Variants in BRCC3 observed in about 807,000 individuals in gnomAD.
The protein encoded by BRCC3 is BRCA1/BRCA2-containing complex subunit 3.
A neutral mutation model predicts 28.0 loss-of-function variants in BRCC3; 15 were observed. The ratio of observed to expected loss-of-function variants is 0.54; its 90% CI spans 0.36 to 0.82. The LOEUF (loss-of-function observed/expected upper bound fraction) is 0.82. Among genes scored for constraint, BRCC3 ranks in the 40% least tolerant of loss-of-function variants. BRCC3 has a pLI of 0.01. For missense variants in BRCC3, 109 were observed against 225.9 expected, an observed-to-expected ratio of 0.48 and a Z score of 3.32; for synonymous variants, 66 against 80.3, an observed-to-expected ratio of 0.82 and a Z score of 0.95.
chrX:155,116,870 G>A, intron 9 of BRCC3, 116 bp downstream of exon 9: 1 of 505,796 alleles, frequency 2.0e-6, no homozygotes, highest in Non-Finnish European at 3.3e-6. Flanking sequence ...GTTGTCTTCA[G>A]GCTTCCTTTC....
At chrX:155,109,073 C>T (rs1557297835) in intron 7 of BRCC3, among the ~76,000 whole-genome samples, 1 of 111,303 alleles carries the variant, frequency 9.0e-6, no homozygotes, top group Admixed American at 9.5e-5. Flanking sequence ...TCCAATTGAC[C>T]TGGCACCATT....
At chrX:155,116,219 TTCTCAGGACCTAG>T in intron 8 of BRCC3, 31 bp downstream of exon 8, 1 of 1,144,848 alleles carries the variant, frequency 8.7e-7, no homozygotes, top group African/African-American at 1.8e-5. Flanking sequence ...TCTTCTCTAC[TTCTCAGGACCTAG>T]TCTCTCTTTT....
chrX:155,094,719 A>G (rs782718437), intron 7 of BRCC3, among the ~76,000 whole-genome samples: 33 of 112,119 alleles, frequency 2.9e-4, no homozygotes, highest in Non-Finnish European at 5.8e-4. Flanking sequence ...AAGGCTCTGA[A>G]AAATTAGAAC....
intron 7 of BRCC3, among the ~76,000 whole-genome samples, chrX:155,105,353 C>G (rs1057188821): frequency 3.6e-5 from 4 of 111,451 alleles, no homozygotes; most frequent in Non-Finnish European, 7.5e-5. Flanking sequence ...TGTGGTGGCG[C>G]ATGCCTGTAA....
chrX:155,110,161 T>C (rs2074311558), intron 7 of BRCC3, among the ~76,000 whole-genome samples: 1 of 111,928 alleles, frequency 8.9e-6, no homozygotes, highest in Non-Finnish European at 1.9e-5. Flanking sequence ...GATTGATCCA[T>C]AATTTTCTTT....
chrX:155,113,119 C>CTTTTTTT (rs35621321), intron 7 of BRCC3, among the ~76,000 whole-genome samples: 2 of 30,832 alleles, frequency 6.5e-5, no homozygotes, highest in Non-Finnish European at 1.0e-4. Context: ...GGCTTGCTTG[C>CTTTTTTT]TTTTTTTTTT....
intron 5 of BRCC3, among the ~76,000 whole-genome samples, chrX:155,079,761 A>G (rs781874532): frequency 9.0e-6 from 1 of 111,329 alleles, no homozygotes; most frequent in South Asian, 3.8e-4. Context: ...AAACTTTAAC[A>G]TTTGGCAACA....
At chrX:155,080,915 T>G (rs2074080222) in intron 5 of BRCC3, among the ~76,000 whole-genome samples, 1 of 112,309 alleles carries the variant, frequency 8.9e-6, no homozygotes, top group South Asian at 3.6e-4. Flanking sequence ...AAAGCATTTA[T>G]TTGTAAAACT....
chrX:155,082,504 T>G (rs781798836), intron 5 of BRCC3, among the ~76,000 whole-genome samples: 9 of 112,265 alleles, frequency 8.0e-5, no homozygotes, highest in Non-Finnish European at 1.7e-4. Context: ...ATTTCAAGAA[T>G]AGTATGAAGA....
In BRCC3 at chrX:155,071,524, C is replaced by T. The variant is rs373739667; in HGVS notation, c.-4C>T. The T allele has an allele frequency of 8.3e-6, 10 of 1,200,912 alleles. No homozygotes were observed. The highest frequency in any genetic ancestry group is 1.8e-5 in the South Asian group (1 of 55,233). On this transcript the variant is annotated 5_prime_UTR_variant, in exon 1 of 11. Transcript: ENST00000330045. ...GAGGCGGACGTGAGAAGGGTCGGGC[C>T]AAGATGGCGGTGCAGGTGGTGCAGG... is the stretch of plus-strand genomic sequence containing the variant.
intron 6 of BRCC3, 136 bp from the exon 7 acceptor site, chrX:155,090,648 T>C (rs1440784010): frequency 3.3e-5 from 16 of 489,359 alleles, no homozygotes; most frequent in Admixed American, 1.4e-4. Flanking sequence ...TGATCCTTTT[T>C]ATAGAAATTA....
intron 7 of BRCC3, among the ~76,000 whole-genome samples, chrX:155,094,369 G>GATT (rs1281689771): frequency 9.1e-6 from 1 of 109,619 alleles, no homozygotes; most frequent in African/African-American, 3.3e-5. Context: ...AAATGATAAT[G>GATT]ATTATTATTA....
At chrX:155,085,166 T>C (rs1160490769) in intron 5 of BRCC3, among the ~76,000 whole-genome samples, 2 of 112,374 alleles carry the variant, frequency 1.8e-5, no homozygotes, top group African/African-American at 6.5e-5. Context: ...AATGTTTCCA[T>C]GTCCCCTTGG....
intron 2 of BRCC3, 65 bp downstream of exon 2, chrX:155,072,408 C>G (rs371977509): frequency 6.6e-6 from 6 of 914,205 alleles, no homozygotes; most frequent in Non-Finnish European, 9.5e-6. Context: ...AAAATTATGG[C>G]GACTTTGGCA....
At chrX:155,073,475 G>A in intron 3 of BRCC3, 44 bp downstream of exon 3, 1 of 1,152,183 alleles carries the variant, frequency 8.7e-7, no homozygotes, top group Non-Finnish European at 1.2e-6. Flanking sequence ...TGCAGTTGGG[G>A]AAAGATTTCT....
intron 9 of BRCC3, among the ~76,000 whole-genome samples, chrX:155,117,256 G>A (rs1412677356): frequency 2.7e-5 from 3 of 112,231 alleles, no homozygotes; most frequent in African/African-American, 9.7e-5. Context: ...TGGATACACA[G>A]ATAGAGAGAT....
rs782285970 is a variant in BRCC3 at position 155,073,536 on chromosome X, T to C, written c.195+105T>C. 16 of 911,294 alleles carry C rather than the reference T, an allele frequency of 1.8e-5. No individual in the cohort carries two copies. In the Admixed American group the frequency reaches 3.7e-4, roughly 21 times the overall value. The allele number at this position is 911,294 out of a possible 1,213,427, so 75.1% of individuals were successfully genotyped here. On this transcript the variant is annotated intron_variant, in intron 3 of 10. Transcript: ENST00000330045. ...ATGCGGTTTCTGGCTGGATGAGATA[T>C]TCTTTCTAGTAAAATCAGATGAAGA...
intron 7 of BRCC3, among the ~76,000 whole-genome samples, chrX:155,093,331 T>C (rs1557295864): frequency 9.0e-6 from 1 of 110,555 alleles, no homozygotes; most frequent in African/African-American, 3.3e-5. Flanking sequence ...AAACAGTTTC[T>C]TCTAGTTTAT....
intron 10 of BRCC3, among the ~76,000 whole-genome samples, chrX:155,120,537 A>AT (rs2074382919): frequency 8.9e-6 from 1 of 111,949 alleles, no homozygotes; most frequent in Non-Finnish European, 1.9e-5. Flanking sequence ...TTATGTTTCA[A>AT]TTTTGTAGGT....
Sources: allele counts gnomAD v4.1 joint callset (sites outside exome capture counted in the v4.1 genomes callset), GRCh38; gene constraint gnomAD v4.1.1; transcripts MANE v1.5; gene names NCBI Gene and HGNC (gene_info 2026-07-23, HGNC 2026-07-21).